The following ACSM4 variants were observed in gnomAD, a reference collection of about 807,000 sequenced individuals.
The protein encoded by ACSM4 is acyl-CoA synthetase medium chain family member 4.
ACSM4 carries 66 observed loss-of-function variants against 73.0 expected under a neutral mutation model. That is an observed-to-expected ratio of 0.90 (90% CI 0.74 to 1.11). The LOEUF is 1.11. Among genes scored for constraint, ACSM4 ranks in the 50% least tolerant of loss-of-function variants. The pLI, the probability that ACSM4 is intolerant of heterozygous loss-of-function variation, is 0.00. For missense variants in ACSM4, 645 were observed against 714.4 expected, an observed-to-expected ratio of 0.90 and a Z score of 1.11; for synonymous variants, 222 against 254.0, an observed-to-expected ratio of 0.87 and a Z score of 1.20.
At chr12:7,324,194 T>C (rs1946485998) in intron 9 of ACSM4, 79 bp from the exon 10 acceptor site, 2 of 1,519,554 alleles carry the variant, frequency 1.3e-6, no homozygotes, top group East Asian at 2.3e-5. Context: ...GGATGTGTAA[T>C]GTACTAGTCA....
chr12:7,327,136 AC>A (rs1402693836), intron 12 of ACSM4, 41 bp downstream of exon 12: 16 of 1,550,204 alleles, frequency 1.0e-5, no homozygotes, highest in Non-Finnish European at 1.4e-5. Flanking sequence ...ATGTTACCAA[AC>A]TAGGGTCTAA....
intron 5 of ACSM4, among the ~76,000 whole-genome samples, chr12:7,318,940 G>A (rs753608380): frequency 3.9e-5 from 6 of 152,194 alleles, no homozygotes; most frequent in Non-Finnish European, 7.3e-5. Flanking sequence ...TGGATTCGTG[G>A]AAGACAATTT....
chr12:7,318,126 G>A lies in ACSM4; in HGVS notation c.865G>A (p.Gly289Arg). ...IGSVFSSWLCGACVFVHRMAQ... is the reference protein window; with the variant it reads ...IGSVFSSWLCRACVFVHRMAQ... ...CAGTGTGTTTTCTTCCTGGCTGTGT[G>A]GAGCCTGTGTTTTTGTGCATCGAAT... is the stretch of plus-strand genomic sequence containing the variant. The change falls in exon 5 of 13, where the codon GGA becomes AGA. Residue 289 changes from glycine to arginine, a missense_variant. Coordinates refer to ENST00000399422, the MANE Select transcript of ACSM4 (RefSeq NM_001080454.2). The A allele has an allele frequency of 1.2e-6, 2 of 1,613,830 alleles. No homozygotes were observed. Among genetic ancestry groups the A allele is most frequent in the Non-Finnish European group, 1.7e-6 (2 of 1,179,824 alleles).
Position 7,304,225 on chromosome 12 carries a change from C to T in ACSM4, c.-107C>T. On this transcript the variant is annotated 5_prime_UTR_variant, in exon 1 of 13. Transcript: ENST00000399422. ...GGGACACACAGCCACAAATCCACCTCCCAGTCTCACCACAGAGCATCAAGA... is the reference window on the plus strand; with the variant it reads ...GGGACACACAGCCACAAATCCACCTTCCAGTCTCACCACAGAGCATCAAGA... 1 of 1,200,112 alleles carries T rather than the reference C, an allele frequency of 8.3e-7. No homozygotes were observed. The highest frequency in any genetic ancestry group is 1.4e-5 in the South Asian group (1 of 71,018). 74.3% of individuals were successfully genotyped at this position (1,200,112 alleles called of 1,614,324 possible).
rs61584783 is a variant in ACSM4 at position 7,324,504 on chromosome 12, G to A, written c.1442G>A (p.Arg481His). The A allele has an allele frequency of 5.5e-3, 8,933 of 1,613,916 alleles. 445 individuals are homozygous for A. In the African/African-American group the frequency reaches 0.1, roughly 19 times the overall value. Residue 481 changes from arginine (R) to histidine (H), a missense_variant, in exon 11 of 13, where the codon CGT becomes CAT. Coordinates refer to ENST00000399422, the MANE Select transcript of ACSM4 (RefSeq NM_001080454.2). ...ADDVIISSGY[R>H]IGPFEVESAL... ...AAACTTCTTTTCCTCTTCAGGTACC[G>A]TATTGGGCCATTTGAAGTGGAGAGT...
chr12:7,328,276 C>T lies in ACSM4; in HGVS notation c.1657-11C>T, dbSNP rs1305153033. 2 of 1,567,576 alleles carry T rather than the reference C, an allele frequency of 1.3e-6. No homozygotes were observed. The highest frequency in any genetic ancestry group is 1.7e-6 in the Non-Finnish European group (2 of 1,154,870). On this transcript the variant is annotated splice_polypyrimidine_tract_variant and intron_variant, in intron 12 of 12. Transcript: ENST00000399422. The stretch of plus-strand genomic sequence containing the variant: ...ATCAAGTGTCTCATCACGTTTTTTT[C>T]TGTCAATTAGGTGGAATTTGTTCAA...
chr12:7,308,180 T>C (rs1199195172), intron 2 of ACSM4, among the ~76,000 whole-genome samples: 1 of 152,200 alleles, frequency 6.6e-6, no homozygotes, highest in Non-Finnish European at 1.5e-5. Flanking sequence ...CAGCATTATA[T>C]AAAATTCGTT....
chr12:7,305,402 G>A (rs1002390737), intron 1 of ACSM4, among the ~76,000 whole-genome samples: 3 of 152,172 alleles, frequency 2.0e-5, no homozygotes, highest in African/African-American at 7.2e-5. Context: ...AGTCCATGTA[G>A]CGAAGTATAC....
intron 12 of ACSM4, 38 bp downstream of exon 12, chr12:7,327,133 C>A (rs1261566676): frequency 6.4e-7 from 1 of 1,555,298 alleles, no homozygotes; most frequent in Admixed American, 2.0e-5. Context: ...TGGATGTTAC[C>A]AAACTAGGGT....
At chr12:7,304,627 C>A in intron 1 of ACSM4, 95 bp downstream of exon 1, 2 of 1,248,580 alleles carry the variant, frequency 1.6e-6, no homozygotes, top group Admixed American at 1.9e-5. Context: ...AATTCCAATG[C>A]ACTCTCTCAC....
rs758784258 is a variant in ACSM4 at position 7,320,751 on chromosome 12, C to T, written c.948C>T (p.Thr316=). 1.2e-6 allele frequency: 2 copies of T among 1,613,696 alleles called. No individual in the cohort carries two copies. Among genetic ancestry groups the T allele is most frequent in the Non-Finnish European group, 1.7e-6 (2 of 1,179,744 alleles). ...LDTLTTYPIT[T]LCSPPTVYRM... ...CACTTACTACTTATCCCATCACGAC[C>T]CTGTGCAGTCCTCCCACTGTGTACC... is the stretch of plus-strand genomic sequence containing the variant. The change falls in exon 6 of 13, where the codon ACC becomes ACT. Residue 316 remains threonine, a synonymous_variant. Coordinates refer to ENST00000399422, the MANE Select transcript of ACSM4 (RefSeq NM_001080454.2).
At chr12:7,318,713 A>G (rs1327089944) in intron 5 of ACSM4, among the ~76,000 whole-genome samples, 13 of 152,328 alleles carry the variant, frequency 8.5e-5, no homozygotes, top group Admixed American at 8.5e-4. Context: ...AGCTAGATTG[A>G]GATATCAGAT....
intron 2 of ACSM4, among the ~76,000 whole-genome samples, chr12:7,308,456 A>G (rs1474678815): frequency 6.6e-6 from 1 of 152,200 alleles, no homozygotes; most frequent in Non-Finnish European, 1.5e-5. Flanking sequence ...TGTTTGTACT[A>G]TATCACATAG....
At chr12:7,310,446 G>T in intron 2 of ACSM4, 93 bp from the exon 3 acceptor site, 4 of 1,247,564 alleles carry the variant, frequency 3.2e-6, no homozygotes, top group Admixed American at 2.0e-5. Flanking sequence ...CTGAAGAATG[G>T]ATTGTGATGC....
intron 1 of ACSM4, among the ~76,000 whole-genome samples, chr12:7,304,745 C>T (rs1345000114): frequency 6.6e-6 from 1 of 152,234 alleles, no homozygotes; most frequent in African/African-American, 2.4e-5. Context: ...TTCTCTATCT[C>T]CCATCCCCAT....
chr12:7,315,135 GC>G (rs1411039777), intron 3 of ACSM4, among the ~76,000 whole-genome samples: 1 of 150,680 alleles, frequency 6.6e-6, no homozygotes, highest in South Asian at 2.1e-4. Flanking sequence ...GGTGGAGGTT[GC>G]AGTGAGCCGA....
In ACSM4 at chr12:7,310,568, C is replaced by G. The variant is rs1222960502; in HGVS notation, c.442C>G (p.Leu148Val). 3 of 1,609,856 alleles carry G rather than the reference C, an allele frequency of 1.9e-6. No individual in the cohort carries two copies. Among genetic ancestry groups the G allele is most frequent in the Non-Finnish European group, 2.5e-6 (3 of 1,178,666 alleles). Reference protein sequence around the residue: ...GIIFMPGTIQLTAKDILYRLR... With the variant: ...GIIFMPGTIQVTAKDILYRLR... ...CATCTTCATGCCGGGAACAATCCAG[C>G]TGACAGCAAAAGACATCCTCTACCG... Residue 148 changes from leucine (L) to valine (V), a missense_variant, in exon 3 of 13, where the codon CTG becomes GTG. Physicochemically the swap from Leu to Val is conservative, Grantham distance 32. Transcript: ENST00000399422.
At chr12:7,318,688 T>G (rs1157462841) in intron 5 of ACSM4, among the ~76,000 whole-genome samples, 3 of 152,338 alleles carry the variant, frequency 2.0e-5, no homozygotes, top group Non-Finnish European at 4.4e-5. Flanking sequence ...ATGCCCTGTC[T>G]TCTCAACCAG....
rs749663188 is a variant in ACSM4 at position 7,319,642 on chromosome 12, C to T, written c.922-1083C>T. On this transcript the variant is annotated intron_variant, in intron 5 of 12. Transcript: ENST00000399422. ...AGATGAAGCTTCGCTCACCTTGCCC[C>T]GCCACTCACCTCCTGCTGTGTGGCC... Among the ~76,000 whole-genome samples the T allele has an allele frequency of 5.3e-5, 8 of 151,912 alleles. No individual in the cohort carries two copies. The East Asian group carries it at 9.7e-4, about 18-fold the overall frequency.
Sources: allele counts gnomAD v4.1 joint callset (sites outside exome capture counted in the v4.1 genomes callset), GRCh38; gene constraint gnomAD v4.1.1; transcripts MANE v1.5; gene names NCBI Gene and HGNC (gene_info 2026-07-23, HGNC 2026-07-21).